Variants in CSMD1 observed in about 807,000 individuals in gnomAD.
CSMD1 encodes the protein CUB and sushi domain-containing protein 1.
CSMD1 carries 213 observed loss-of-function variants against 417.5 expected under a neutral mutation model. The ratio of observed to expected loss-of-function variants is 0.51; its 90% CI spans 0.46 to 0.57. The LOEUF (loss-of-function observed/expected upper bound fraction) is 0.57. CSMD1 is among the 20% of genes least tolerant of loss of function. The pLI, the probability that CSMD1 is intolerant of heterozygous loss-of-function variation, is 0.00. For missense variants in CSMD1, 6,923 were observed against 4,529.7 expected (o/e 1.53, Z -15.17); for synonymous variants, 2,862 against 1,736.8 (o/e 1.65, Z -16.11).
chr8:3,342,432 C>A (rs1364284654), intron 23 of CSMD1, among the ~76,000 whole-genome samples: 1 of 152,156 alleles, frequency 6.6e-6, no homozygotes, highest in African/African-American at 2.4e-5. Flanking sequence ...ATAGTTTTTA[C>A]ATTTATCAGA....
At chr8:4,591,775 G>A (rs2617087) in intron 2 of CSMD1, among the ~76,000 whole-genome samples, 81,025 of 151,900 alleles carry the variant, frequency 0.53, 22,918 homozygotes, top group African/African-American at 0.73. Context: ...AATACTTAGC[G>A]TATTGAGGGG....
At chr8:3,256,733 C>G (rs1178513574) in intron 26 of CSMD1, among the ~76,000 whole-genome samples, 1 of 152,180 alleles carries the variant, frequency 6.6e-6, no homozygotes, top group Non-Finnish European at 1.5e-5. Context: ...TTGATGTCTG[C>G]ATGTTTAAAT....
rs1427397820 is a variant in CSMD1, at chr8:3,840,776, A to T, written c.819-86734T>A. 6.0e-5 allele frequency among the ~76,000 whole-genome samples: 9 copies of T among 149,706 alleles called. No homozygotes were observed. In the East Asian group the frequency reaches 1.4e-3, roughly 23 times the overall value. ...AGTGGCAGGATCTCAGTTCACTGCA[A>T]CGTCCGCCTCCTGGGTTCAAGCAAT... On this transcript the variant is annotated intron_variant, in intron 5 of 69. Transcript: ENST00000635120.
chr8:3,528,160 C>T (rs936998629), intron 10 of CSMD1, among the ~76,000 whole-genome samples: 2 of 152,188 alleles, frequency 1.3e-5, no homozygotes, highest in African/African-American at 4.8e-5. Flanking sequence ...AATTATTTTG[C>T]ATGGTTAACT....
chr8:4,411,405 A>G (rs1178175773), intron 3 of CSMD1, among the ~76,000 whole-genome samples: 1 of 152,174 alleles, frequency 6.6e-6, no homozygotes, highest in Non-Finnish European at 1.5e-5. Flanking sequence ...AGAATTCATT[A>G]ACCATTTGAA....
chr8:3,094,416 T>G (rs1036282522), intron 47 of CSMD1, among the ~76,000 whole-genome samples: 3 of 152,216 alleles, frequency 2.0e-5, no homozygotes, highest in African/African-American at 4.8e-5. Context: ...GTTTTAGGTA[T>G]TCTTAATCCA....
At chr8:3,374,184 C>A (rs1382985008) in intron 18 of CSMD1, among the ~76,000 whole-genome samples, 1 of 134,738 alleles carries the variant, frequency 7.4e-6, no homozygotes, top group African/African-American at 3.2e-5. Context: ...GAACTCCTGA[C>A]CTCAAGTCAT....
intron 5 of CSMD1, among the ~76,000 whole-genome samples, chr8:3,788,203 A>C (rs1417386538): frequency 2.0e-5 from 3 of 152,346 alleles, no homozygotes; most frequent in African/African-American, 7.2e-5. Flanking sequence ...AATTACAGAT[A>C]GTTGGATCAC....
chr8:3,956,187 A>G lies in CSMD1; in HGVS notation c.818+41716T>C, dbSNP rs186411417. Among the ~76,000 whole-genome samples the G allele has an allele frequency of 3.3e-4, 50 of 152,354 alleles. No homozygotes were observed. The East Asian group carries it at 8.7e-3, about 26-fold the overall frequency. On this transcript the variant is annotated intron_variant, in intron 5 of 69. Coordinates refer to ENST00000635120, the MANE Select transcript of CSMD1 (RefSeq NM_033225.6). ...CAAAAAGGTTGTACAATTTTGGGGTATTAACCATAACTAAATGTAGATAGC... is the reference window on the plus strand; with the variant it reads ...CAAAAAGGTTGTACAATTTTGGGGTGTTAACCATAACTAAATGTAGATAGC...
chr8:3,749,824 C>A (rs921223924), intron 6 of CSMD1, among the ~76,000 whole-genome samples: 1 of 151,466 alleles, frequency 6.6e-6, no homozygotes, highest in African/African-American at 2.4e-5. Context: ...TTTATTACTT[C>A]TATGGTTAAT....
chr8:3,928,355 T>C (rs953365898), intron 5 of CSMD1, among the ~76,000 whole-genome samples: 1 of 147,342 alleles, frequency 6.8e-6, no homozygotes, highest in Non-Finnish European at 1.5e-5. Context: ...AAATGATATA[T>C]TGCCCTTTTT....
At chr8:3,161,404 GT>G (rs1819882239) in intron 38 of CSMD1, among the ~76,000 whole-genome samples, 1 of 152,060 alleles carries the variant, frequency 6.6e-6, no homozygotes, top group African/African-American at 2.4e-5. Flanking sequence ...ATCACCTGAG[GT>G]CAGGAGTTCG....
intron 2 of CSMD1, among the ~76,000 whole-genome samples, chr8:4,591,449 A>C (rs1262239235): frequency 2.0e-5 from 3 of 152,232 alleles, no homozygotes; most frequent in African/African-American, 7.2e-5. Flanking sequence ...AAAGCTGTTG[A>C]GCAAAAGCAA....
At chr8:3,746,217 G>C (rs748114972) in intron 6 of CSMD1, among the ~76,000 whole-genome samples, 5 of 152,228 alleles carry the variant, frequency 3.3e-5, no homozygotes, top group Non-Finnish European at 7.3e-5. Context: ...CTGAAAGCCA[G>C]AATAAGTTCT....
chr8:3,960,362 G>A (rs1281301103), intron 5 of CSMD1, among the ~76,000 whole-genome samples: 10 of 151,996 alleles, frequency 6.6e-5, no homozygotes, highest in Non-Finnish European at 1.0e-4. Context: ...TCCTCATCAC[G>A]CTACTACTTA....
At chr8:4,551,473 G>C (rs1399300024) in intron 2 of CSMD1, among the ~76,000 whole-genome samples, 1 of 152,050 alleles carries the variant, frequency 6.6e-6, no homozygotes, top group African/African-American at 2.4e-5. Flanking sequence ...TGACCTGATG[G>C]TGATATTTTA....
At chr8:4,527,030 A>T (rs1056525298) in intron 2 of CSMD1, among the ~76,000 whole-genome samples, 1 of 152,098 alleles carries the variant, frequency 6.6e-6, no homozygotes, top group African/African-American at 2.4e-5. Context: ...GCTGTATAAT[A>T]TTTCATATTT....
intron 5 of CSMD1, among the ~76,000 whole-genome samples, chr8:3,838,940 TA>T (rs1375106317): frequency 3.1e-5 from 3 of 96,388 alleles, no homozygotes; most frequent in Non-Finnish European, 5.6e-5. Context: ...TTATATATAA[TA>T]AAAAATTAAT....
At chr8:3,784,959 T>A (rs1370285996) in intron 5 of CSMD1, among the ~76,000 whole-genome samples, 1 of 152,234 alleles carries the variant, frequency 6.6e-6, no homozygotes, top group African/African-American at 2.4e-5. Flanking sequence ...CTGTAGAATT[T>A]AATTTTATCA....
Sources: gnomAD v4.1 joint callset for allele counts (sites outside exome capture counted in the v4.1 genomes callset) on GRCh38, gnomAD v4.1.1 for gene constraint, MANE v1.5 for transcripts, NCBI Gene and HGNC (gene_info 2026-07-23, HGNC 2026-07-21) for gene names.